SLC24A2: variants seen among roughly 807,000 people sequenced by gnomAD.
SLC24A2 encodes solute carrier family 24 member 2.
Under a neutral mutation model 62.0 loss-of-function variants are expected in SLC24A2, and 36 were observed. The observed-to-expected ratio is 0.58, with a 90% CI of 0.44 to 0.77. The LOEUF is 0.77. Ranked by LOEUF, SLC24A2 falls within the 30% of genes least tolerant of loss-of-function variation. The pLI is 0.00. For missense variants in SLC24A2, 846 were observed against 817.9 expected, an observed-to-expected ratio of 1.03 and a Z score of -0.42; for synonymous variants, 358 against 294.0, an observed-to-expected ratio of 1.22 and a Z score of -2.23.
the SLC24A2 span, among the ~76,000 whole-genome samples, chr9:20,153,491 T>C: frequency 6.6e-6 from 1 of 151,934 alleles, no homozygotes; most frequent in Non-Finnish European, 1.5e-5. Context: ...AATTCTTTAA[T>C]TTCTCTGACC....
chr9:19,833,666 C>G, the SLC24A2 span, among the ~76,000 whole-genome samples: 6 of 152,222 alleles, frequency 3.9e-5, no homozygotes, highest in African/African-American at 9.6e-5. Context: ...CACAGACAAA[C>G]AAAAGACAGC....
chr9:20,144,720 A>T, the SLC24A2 span, among the ~76,000 whole-genome samples: 1 of 152,102 alleles, frequency 6.6e-6, no homozygotes, highest in Non-Finnish European at 1.5e-5. Context: ...GGGGTCATTC[A>T]ATCTTGCATG....
chr9:19,544,792 T>G (rs965368002), intron 8 of SLC24A2, among the ~76,000 whole-genome samples: 2 of 152,182 alleles, frequency 1.3e-5, no homozygotes, highest in African/African-American at 2.4e-5. Context: ...TGCAGAGAGA[T>G]CTGCTGTTGG....
At chr9:20,187,708 C>T in the SLC24A2 span, among the ~76,000 whole-genome samples, 1 of 152,178 alleles carries the variant, frequency 6.6e-6, no homozygotes, top group South Asian at 2.1e-4. Context: ...TTCTCCCATT[C>T]TTAGCTAGGT....
chr9:20,098,583 A>G, the SLC24A2 span, among the ~76,000 whole-genome samples: 1 of 152,168 alleles, frequency 6.6e-6, no homozygotes, highest in Admixed American at 6.5e-5. Flanking sequence ...GGCCTAAGAG[A>G]CCTAAAGGCC....
chr9:19,865,290 A>G, the SLC24A2 span, among the ~76,000 whole-genome samples: 7 of 152,164 alleles, frequency 4.6e-5, no homozygotes, highest in African/African-American at 7.2e-5. Flanking sequence ...TGCAATTTCT[A>G]TAAAAATACC....
chr9:19,696,750 A>G (rs12553756), intron 2 of SLC24A2, among the ~76,000 whole-genome samples: 26,134 of 152,248 alleles, frequency 0.17, 2,547 homozygotes, highest in Middle Eastern at 0.23. Context: ...AGCACTTCTA[A>G]GAAAATCTAA....
At chr9:19,794,307 A>G in the SLC24A2 span, among the ~76,000 whole-genome samples, 1 of 152,192 alleles carries the variant, frequency 6.6e-6, no homozygotes, top group Middle Eastern at 3.2e-3. Flanking sequence ...GCACCTGAGC[A>G]CCAAGACAGG....
intron 7 of SLC24A2, among the ~76,000 whole-genome samples, chr9:19,556,414 C>G (rs551941033): frequency 1.3e-5 from 2 of 152,080 alleles, no homozygotes; most frequent in South Asian, 2.1e-4. Flanking sequence ...GAGCAAGATT[C>G]CAGAGTGAAG....
At chr9:20,067,477 G>A in the SLC24A2 span, among the ~76,000 whole-genome samples, 7 of 151,898 alleles carry the variant, frequency 4.6e-5, no homozygotes, top group African/African-American at 1.7e-4. Context: ...TCTTACATGG[G>A]TATGCTCCCA....
chr9:19,560,912 TATATAGAG>T lies in SLC24A2; in HGVS notation c.1348-10652_1348-10645del, dbSNP rs777984140. Among the ~76,000 whole-genome samples the T allele has an allele frequency of 6.0e-3, 302 of 50,130 alleles. 2 individuals carry two copies. Among genetic ancestry groups the T allele is most frequent in the African/African-American group, 0.021 (281 of 13,442 alleles). The allele number at this position is 50,130 out of a possible 152,430, so 32.9% of individuals were successfully genotyped here. On this transcript the variant is annotated intron_variant, in intron 7 of 10. Coordinates refer to ENST00000341998, the MANE Select transcript of SLC24A2 (RefSeq NM_020344.4). ...GTGTGTGTGTGTATATATATATATATATATAGAGAGAGAGAGAGAGAGAGAGAGAGAGA... is the reference window on the plus strand; with the variant it reads ...GTGTGTGTGTGTATATATATATATATAGAGAGAGAGAGAGAGAGAGAGAGA...
chr9:19,754,432 A>T (rs902266369), intron 2 of SLC24A2, among the ~76,000 whole-genome samples: 2 of 152,204 alleles, frequency 1.3e-5, no homozygotes, highest in Non-Finnish European at 2.9e-5. Flanking sequence ...TTCTTCAATG[A>T]CAGCGGGACT....
intron 10 of SLC24A2, among the ~76,000 whole-genome samples, chr9:19,517,613 T>C (rs531948933): frequency 5.1e-4 from 77 of 152,248 alleles, no homozygotes; most frequent in Non-Finnish European, 8.7e-4. Context: ...TTGATGTGAC[T>C]GCCTTGTGGG....
At chr9:19,544,665 A>G (rs1834459428) in intron 8 of SLC24A2, among the ~76,000 whole-genome samples, 1 of 152,066 alleles carries the variant, frequency 6.6e-6, no homozygotes, top group Non-Finnish European at 1.5e-5. Context: ...TCTGTAAAGG[A>G]GTTTATTTCT....
chr9:20,101,956 ATC>A, the SLC24A2 span, among the ~76,000 whole-genome samples: 2 of 152,100 alleles, frequency 1.3e-5, no homozygotes, highest in Non-Finnish European at 2.9e-5. Context: ...GGAGAGAAAG[ATC>A]TCTTTTTTCT....
the SLC24A2 span, among the ~76,000 whole-genome samples, chr9:19,994,131 G>A: frequency 6.6e-6 from 1 of 152,134 alleles, no homozygotes; most frequent in African/African-American, 2.4e-5. Context: ...ATTGCAACAG[G>A]CTGCTGCACC....
chr9:19,937,072 G>C, the SLC24A2 span, among the ~76,000 whole-genome samples: 1 of 152,136 alleles, frequency 6.6e-6, no homozygotes, highest in Non-Finnish European at 1.5e-5. Context: ...ATAAAATTGA[G>C]TCAAGAATTA....
intron 1 of SLC24A2, 40 bp downstream of exon 1, chr9:19,788,845 C>T (rs1414885478): frequency 1.0e-6 from 1 of 985,326 alleles, no homozygotes; most frequent in African/African-American, 1.7e-5. Context: ...ACCGCCACAG[C>T]GGCTACAGCG....
intron 2 of SLC24A2, among the ~76,000 whole-genome samples, chr9:19,762,545 A>G (rs962814463): frequency 5.3e-5 from 8 of 152,040 alleles, no homozygotes; most frequent in Admixed American, 3.3e-4. Context: ...AGTTTTCCCA[A>G]CACCATTTAT....
Sources: gnomAD v4.1 joint callset for allele counts (sites outside exome capture counted in the v4.1 genomes callset) on GRCh38, gnomAD v4.1.1 for gene constraint, MANE v1.5 for transcripts, NCBI Gene and HGNC (gene_info 2026-07-23, HGNC 2026-07-21) for gene names.